The following PIAS2 variants were observed in gnomAD, a reference collection of about 807,000 sequenced individuals.
PIAS2 encodes the protein protein inhibitor of activated STAT 2, also known as E3 SUMO-protein ligase PIAS2.
Under a neutral mutation model 69.7 loss-of-function variants are expected in PIAS2, and 19 were observed. That is an observed-to-expected ratio of 0.27 (90% CI 0.19 to 0.40). The LOEUF is 0.40. Ranked by LOEUF, PIAS2 falls within the 10% of genes least tolerant of loss-of-function variation. PIAS2 has a pLI of 1.00. For missense variants in PIAS2, 624 were observed against 757.0 expected, an observed-to-expected ratio of 0.82 and a Z score of 2.06; for synonymous variants, 261 against 263.2, an observed-to-expected ratio of 0.99 and a Z score of 0.08.
chr18:46,821,116 G>C (rs755480562), intron 11 of PIAS2, 44 bp from the exon 12 acceptor site: 4 of 1,605,134 alleles, frequency 2.5e-6, no homozygotes, highest in South Asian at 1.1e-5. Context: ...CTGGCTGTTA[G>C]TTCACAGGAG....
At chr18:46,841,216 A>T (rs1054507019) in intron 8 of PIAS2, among the ~76,000 whole-genome samples, 1 of 152,212 alleles carries the variant, frequency 6.6e-6, no homozygotes, top group African/African-American at 2.4e-5. Flanking sequence ...TTTAGTCCCA[A>T]GGACAGAGGT....
chr18:46,844,699 T>C (rs2045920760), intron 7 of PIAS2, 35 bp downstream of exon 7: 2 of 808,542 alleles, frequency 2.5e-6, no homozygotes, highest in Non-Finnish European at 3.7e-6. Flanking sequence ...TTTTTTTTTT[T>C]TTTTAAATGC....
At position 46,890,967 on chromosome 18, in the gene PIAS2, G is replaced by C; in HGVS notation, c.112C>G (p.Leu38Val). 6.2e-7 allele frequency: 1 copy of C among 1,614,122 alleles called. No homozygotes were observed. Among genetic ancestry groups the C allele is most frequent in the Non-Finnish European group, 8.5e-7 (1 of 1,180,016 alleles). Residue 38 changes from leucine (L) to valine (V), a missense_variant, in exon 2 of 14, where the codon CTG becomes GTG. Leu to Val is a conservative substitution (Grantham distance 32). This residue lies in a region of PIAS2 where 339 missense variants were observed against 408.8 expected (regional missense o/e 0.83). Coordinates refer to ENST00000585916, the MANE Select transcript of PIAS2 (RefSeq NM_004671.5). ...RNKSGRKHDL[L>V]MRALHLLKSG... ...TTCAATAAATGCAGCGCCCTCATCA[G>C]GAGGTCATGCTTGCGTCCACTTTTA...
intron 2 of PIAS2, among the ~76,000 whole-genome samples, chr18:46,865,058 T>C (rs2049223874): frequency 6.6e-6 from 1 of 152,126 alleles, no homozygotes; most frequent in South Asian, 2.1e-4. Context: ...TTAAAAAATA[T>C]TGCTTAATGA....
rs2041028340 is a variant in PIAS2 at position 46,811,932 on chromosome 18, T to C, written c.*501A>G. On this transcript the variant is annotated 3_prime_UTR_variant, in exon 14 of 14. Transcript: ENST00000585916. ...ACGTACTGAAACTTCATTACTTCAA[T>C]GAAACAGAGCAAATCTCCATGGAAA... 1 of 152,260 alleles carries C rather than the reference T, an allele frequency of 6.6e-6. No homozygotes were observed. The highest frequency in any genetic ancestry group is 1.5e-5 in the Non-Finnish European group (1 of 68,074). The allele number at this position is 152,260 out of a possible 1,614,324, so 9.4% of individuals were successfully genotyped here. A position where few individuals can be genotyped will look rare whatever the true frequency, so the allele number is the denominator to read the frequency against.
At chr18:46,830,925 T>A (rs1296534063) in intron 9 of PIAS2, among the ~76,000 whole-genome samples, 1 of 152,300 alleles carries the variant, frequency 6.6e-6, no homozygotes, top group East Asian at 1.9e-4. Flanking sequence ...CCATGAACTC[T>A]GCAAAACAAA....
intron 2 of PIAS2, among the ~76,000 whole-genome samples, chr18:46,872,803 A>G (rs1468254310): frequency 1.3e-5 from 2 of 152,210 alleles, no homozygotes; most frequent in Non-Finnish European, 2.9e-5. Context: ...AATATGCCCT[A>G]GAGATGAAAC....
chr18:46,820,299 TCTTA>T (rs926702365), intron 12 of PIAS2, among the ~76,000 whole-genome samples: 4 of 152,194 alleles, frequency 2.6e-5, no homozygotes, highest in African/African-American at 9.6e-5. Flanking sequence ...GCTGTTCATC[TCTTA>T]CTATGCCTAA....
intron 1 of PIAS2, chr18:46,907,871 G>A (rs980214872): frequency 4.6e-5 from 7 of 151,888 alleles, no homozygotes; most frequent in Admixed American, 6.6e-5. Flanking sequence ...GTACACCAAG[G>A]GGCAACTGTA....
chr18:46,828,263 A>G (rs1568393437), intron 10 of PIAS2, 133 bp from the exon 11 acceptor site: 1 of 678,898 alleles, frequency 1.5e-6, no homozygotes, highest in Admixed American at 3.2e-5. Context: ...ACTCCAACCC[A>G]TGGACAAATA....
chr18:46,812,524 C>G lies in PIAS2; in HGVS notation c.1775G>C (p.Ser592Thr). The G allele has an allele frequency of 6.2e-7, 1 of 1,612,844 alleles. No homozygotes were observed. The highest frequency in any genetic ancestry group is 8.5e-7 in the Non-Finnish European group (1 of 1,178,936). ...GCTGCTGGATGAACTAACATGAGTA[C>G]TGCTTTCATGGGAGCTGGTGGTGGT... ...SVTTTSSHES[S>T]THVSSSSSRS... is the part of the protein sequence containing the mutation. The change falls in exon 14 of 14, where the codon AGT (serine) becomes ACT (threonine). Residue 592 changes from serine (S) to threonine (T), a missense_variant. Physicochemically the swap from Ser to Thr is moderately conservative, Grantham distance 58. Around this residue, in one of 3 missense-constraint regions of PIAS2, gnomAD observed 241 missense variants for 257.3 expected, o/e 0.94. Coordinates refer to ENST00000585916, the MANE Select transcript of PIAS2 (RefSeq NM_004671.5).
intron 1 of PIAS2, among the ~76,000 whole-genome samples, chr18:46,892,988 T>C (rs2054292528): frequency 6.6e-6 from 1 of 152,172 alleles, no homozygotes; most frequent in Non-Finnish European, 1.5e-5. Context: ...ACATTTCAAG[T>C]GCTTAAGAGC....
At chr18:46,869,391 C>G (rs1178368756) in intron 2 of PIAS2, among the ~76,000 whole-genome samples, 1 of 151,174 alleles carries the variant, frequency 6.6e-6, no homozygotes, top group Non-Finnish European at 1.5e-5. Flanking sequence ...CAGCAAACCT[C>G]TAGAGAAGAG....
At chr18:46,870,481 T>A (rs1263098647) in intron 2 of PIAS2, among the ~76,000 whole-genome samples, 2 of 151,760 alleles carry the variant, frequency 1.3e-5, no homozygotes. Flanking sequence ...CCAGACGTGG[T>A]GACGGGCGCC....
At chr18:46,827,599 G>A (rs1393014053) in intron 11 of PIAS2, 2 of 173,676 alleles carry the variant, frequency 1.2e-5, no homozygotes, top group Non-Finnish European at 2.4e-5. Flanking sequence ...AGTAAGCGAT[G>A]GTGTGCCAAA....
chr18:46,900,981 T>C (rs1243360331), intron 1 of PIAS2: 3 of 376,788 alleles, frequency 8.0e-6, no homozygotes, highest in Admixed American at 7.7e-5. Context: ...TCTCAAATAA[T>C]ATTAAAAAAT....
At chr18:46,878,198 A>C (rs1288987650) in intron 2 of PIAS2, among the ~76,000 whole-genome samples, 1 of 152,204 alleles carries the variant, frequency 6.6e-6, no homozygotes, top group East Asian at 1.9e-4. Context: ...CCTCATTTCA[A>C]ATGGAAGTAA....
intron 2 of PIAS2, among the ~76,000 whole-genome samples, chr18:46,865,628 G>A (rs188071977): frequency 3.3e-5 from 5 of 151,954 alleles, no homozygotes; most frequent in East Asian, 1.9e-4. Context: ...ATGTCAGAGC[G>A]GTTCAACCAC....
intron 6 of PIAS2, among the ~76,000 whole-genome samples, chr18:46,845,258 T>C (rs1264913942): frequency 1.3e-5 from 2 of 152,186 alleles, no homozygotes; most frequent in African/African-American, 4.8e-5. Context: ...AAAGAGGAAT[T>C]CCACTGCAGA....
Sources: gnomAD v4.1 joint callset for allele counts (sites outside exome capture counted in the v4.1 genomes callset) on GRCh38, gnomAD v4.1.1 for gene constraint, gnomAD v4.1.1 regional missense constraint, MANE v1.5 for transcripts, NCBI Gene and HGNC (gene_info 2026-07-23, HGNC 2026-07-21) for gene names.